The following SREK1 variants were observed in gnomAD, a reference collection of about 807,000 sequenced individuals.
SREK1 encodes splicing regulatory glutamic acid and lysine rich protein 1.
Under a neutral mutation model 66.5 loss-of-function variants are expected in SREK1, and 13 were observed. That is an observed-to-expected ratio of 0.20 (90% CI 0.13 to 0.31). SREK1 has a LOEUF of 0.31. SREK1 is among the 10% of genes least tolerant of loss of function. SREK1 has a pLI of 1.00. For missense variants in SREK1, 607 were observed against 769.6 expected, an observed-to-expected ratio of 0.79 and a Z score of 2.50; for synonymous variants, 265 against 263.5, an observed-to-expected ratio of 1.01 and a Z score of -0.05.
rs1432411210 is a variant in SREK1, at chr5:66,180,061, T to TA, written c.*1194dup. ...AGTTGTCTACATTGGATGGCCTTAT[T>TA]ACCTCTCAATCATCTTTTCATAAAT... is the stretch of plus-strand genomic sequence containing the variant. On this transcript the variant is annotated 3_prime_UTR_variant, in exon 12 of 12. Transcript: ENST00000334121. The TA allele has an allele frequency of 1.3e-5, 2 of 152,584 alleles. No individual in the cohort carries two copies. Among genetic ancestry groups the TA allele is most frequent in the African/African-American group, 4.8e-5 (2 of 41,454 alleles). 9.5% of individuals were successfully genotyped at this position (152,584 alleles called of 1,614,324 possible).
At chr5:66,175,590 G>GA (rs1745996006) in intron 10 of SREK1, among the ~76,000 whole-genome samples, 1 of 152,194 alleles carries the variant, frequency 6.6e-6, no homozygotes, top group African/African-American at 2.4e-5. Context: ...ATGTGTGTAG[G>GA]AAAAATCTCA....
intron 2 of SREK1, chr5:66,155,989 C>T: frequency 6.5e-7 from 1 of 1,530,908 alleles, no homozygotes. Context: ...TTTATGTCCA[C>T]ATTTTCTGGT....
chr5:66,172,173 A>G (rs566344003), intron 9 of SREK1, among the ~76,000 whole-genome samples: 1 of 152,316 alleles, frequency 6.6e-6, no homozygotes, highest in Non-Finnish European at 1.5e-5. Context: ...CCTTGTAACC[A>G]CACCTTTACT....
chr5:66,164,978 A>G, intron 7 of SREK1, 81 bp downstream of exon 7: 2 of 1,369,794 alleles, frequency 1.5e-6, no homozygotes, highest in Non-Finnish European at 2.0e-6. Flanking sequence ...TTTCGTCAAA[A>G]TATCAGAAGT....
intron 9 of SREK1, among the ~76,000 whole-genome samples, chr5:66,174,081 G>C (rs1745864475): frequency 6.7e-6 from 1 of 149,800 alleles, no homozygotes; most frequent in Non-Finnish European, 1.5e-5. Context: ...AATTCCAGAG[G>C]ATTTGGTTTT....
intron 5 of SREK1, 65 bp downstream of exon 5, chr5:66,162,657 G>T (rs1188632997): frequency 6.8e-7 from 1 of 1,468,958 alleles, no homozygotes; most frequent in Non-Finnish European, 9.1e-7. Context: ...TTGATGTAAT[G>T]AAGGCTTTTT....
intron 1 of SREK1, among the ~76,000 whole-genome samples, chr5:66,152,568 A>G (rs548789699): frequency 1.3e-5 from 2 of 152,234 alleles, no homozygotes; most frequent in Non-Finnish European, 2.9e-5. Flanking sequence ...AAAGTAAATG[A>G]CTATTAAGTC....
intron 2 of SREK1, among the ~76,000 whole-genome samples, chr5:66,155,309 G>T (rs945641028): frequency 6.6e-6 from 1 of 152,140 alleles, no homozygotes; most frequent in Non-Finnish European, 1.5e-5. Flanking sequence ...TTGCAATTTA[G>T]TTATAAGTAA....
Position 66,181,304 on chromosome 5 carries a change from A to G in SREK1, c.*2436A>G, listed in dbSNP as rs983816798. 1 of 152,180 alleles carries G rather than the reference A, an allele frequency of 6.6e-6. No homozygotes were observed. The highest frequency in any genetic ancestry group is 2.4e-5 in the African/African-American group (1 of 41,430). The allele number at this position is 152,180 out of a possible 1,614,324, so 9.4% of individuals were successfully genotyped here. A position where few individuals can be genotyped will look rare whatever the true frequency, so the allele number is the denominator to read the frequency against. On this transcript the variant is annotated 3_prime_UTR_variant, in exon 12 of 12. Coordinates refer to ENST00000334121, the MANE Select transcript of SREK1 (RefSeq NM_001077199.3). ...GATGTGTGTGTGTGCTTGTGTGTCC[A>G]TGTGTGCGCATGCGCACGTGTGTAT...
chr5:66,165,231 G>GAAC, intron 7 of SREK1: 1 of 176,118 alleles, frequency 5.7e-6, no homozygotes, highest in Non-Finnish European at 1.2e-5. Context: ...TGAGAAAAGG[G>GAAC]AACATCCTTA....
intron 1 of SREK1, among the ~76,000 whole-genome samples, chr5:66,150,364 A>G (rs1056007244): frequency 6.6e-6 from 1 of 152,258 alleles, no homozygotes; most frequent in African/African-American, 2.4e-5. Flanking sequence ...GAGTGGAATT[A>G]GCATTCAAAA....
chr5:66,164,087 C>A, intron 6 of SREK1, 165 bp downstream of exon 6: 1 of 795,528 alleles, frequency 1.3e-6, no homozygotes, highest in Non-Finnish European at 1.9e-6. Flanking sequence ...AACAACTTAG[C>A]CCATATTTTA....
intron 1 of SREK1, chr5:66,145,100 A>G: frequency 1.0e-6 from 1 of 985,710 alleles, no homozygotes; most frequent in Non-Finnish European, 1.2e-6. Flanking sequence ...CATGTTCCCA[A>G]AGATCATGTC....
At chr5:66,160,446 A>G (rs1744661457) in intron 3 of SREK1, among the ~76,000 whole-genome samples, 1 of 152,146 alleles carries the variant, frequency 6.6e-6, no homozygotes, top group African/African-American at 2.4e-5. Flanking sequence ...TTGGGGGGAA[A>G]TGTTTTTTAA....
rs909949409 is a variant in SREK1 at position 66,153,321 on chromosome 5, G to T, written c.162-142G>T. 6 of 1,015,904 alleles carry T rather than the reference G, an allele frequency of 5.9e-6. No homozygotes were observed. The Admixed American group carries it at 8.7e-5, about 15-fold the overall frequency. The allele number at this position is 1,015,904 out of a possible 1,614,324, so 62.9% of individuals were successfully genotyped here. ...AAATGACTAAGTTTCACTGTTTTAT[G>T]TGTTAATGATCCTTAATAACAAAAA... On this transcript the variant is annotated intron_variant, in intron 1 of 11. Coordinates refer to ENST00000334121, the MANE Select transcript of SREK1 (RefSeq NM_001077199.3).
chr5:66,164,776 C>T lies in SREK1; in HGVS notation c.887-7C>T. The T allele has an allele frequency of 6.2e-7, 1 of 1,613,812 alleles. No individual in the cohort carries two copies. The highest frequency in any genetic ancestry group is 8.5e-7 in the Non-Finnish European group (1 of 1,179,794). On this transcript the variant is annotated splice_polypyrimidine_tract_variant and splice_region_variant and intron_variant, in intron 6 of 11. Coordinates refer to ENST00000334121, the MANE Select transcript of SREK1 (RefSeq NM_001077199.3). ...GCTTACACTGCAAAGTGATTTTTTCCTCCCAGAGTCTGGAAAGAGCAATGA... is the reference window on the plus strand; with the variant it reads ...GCTTACACTGCAAAGTGATTTTTTCTTCCCAGAGTCTGGAAAGAGCAATGA...
intron 7 of SREK1, 40 bp from the exon 8 acceptor site, chr5:66,170,011 T>A: frequency 1.4e-6 from 2 of 1,450,336 alleles, no homozygotes; most frequent in Non-Finnish European, 1.8e-6. Flanking sequence ...TGAAAGATCG[T>A]AAATTAAGTT....
chr5:66,162,621 A>G (rs779288123), intron 5 of SREK1, 29 bp downstream of exon 5: 1 of 1,551,122 alleles, frequency 6.4e-7, no homozygotes, highest in South Asian at 1.2e-5. Context: ...AGAAATTTTA[A>G]TGATTTTGAA....
At chr5:66,148,822 G>GT (rs35423236) in intron 1 of SREK1, among the ~76,000 whole-genome samples, 12 of 151,076 alleles carry the variant, frequency 7.9e-5, no homozygotes, top group Non-Finnish European at 1.0e-4. Context: ...CTTTTTATGT[G>GT]TTTTTTTTTC....
Sources: allele counts gnomAD v4.1 joint callset (sites outside exome capture counted in the v4.1 genomes callset), GRCh38; gene constraint gnomAD v4.1.1; transcripts MANE v1.5; gene names NCBI Gene and HGNC (gene_info 2026-07-23, HGNC 2026-07-21).